The following NR1H4 variants were observed in gnomAD, a reference collection of about 807,000 sequenced individuals.
NR1H4 encodes the protein bile acid receptor.
A neutral mutation model predicts 58.5 loss-of-function variants in NR1H4; 23 were observed. The observed-to-expected ratio is 0.39, with a 90% CI of 0.28 to 0.56. The LOEUF (loss-of-function observed/expected upper bound fraction) is 0.56. Ranked by LOEUF, NR1H4 falls within the 20% of genes least tolerant of loss-of-function variation. NR1H4 has a pLI of 0.58. For missense variants in NR1H4, 487 were observed against 576.9 expected (o/e 0.84, Z 1.60); for synonymous variants, 214 against 198.0 (o/e 1.08, Z -0.68).
intron 3 of NR1H4, among the ~76,000 whole-genome samples, chr12:100,500,315 T>G (rs950126091): frequency 6.6e-6 from 1 of 152,162 alleles, no homozygotes; most frequent in Non-Finnish European, 1.5e-5. Flanking sequence ...GGACCTCCCT[T>G]TTTTCATGCC....
At chr12:100,561,808 A>G in intron 9 of NR1H4, 77 bp from the exon 10 acceptor site, 2 of 741,448 alleles carry the variant, frequency 2.7e-6, no homozygotes, top group Non-Finnish European at 5.0e-6. Flanking sequence ...CCATGTGTTT[A>G]TATGTATAAT....
chr12:100,490,797 T>C (rs1293315918), intron 1 of NR1H4, among the ~76,000 whole-genome samples: 6 of 152,054 alleles, frequency 3.9e-5, no homozygotes, highest in Non-Finnish European at 7.4e-5. Flanking sequence ...TAACAACAAC[T>C]CAACATTTTT....
At chr12:100,553,264 C>T (rs552077599) in intron 9 of NR1H4, among the ~76,000 whole-genome samples, 84 of 152,258 alleles carry the variant, frequency 5.5e-4, no homozygotes, top group African/African-American at 2.0e-3. Context: ...TCCCAAAGTG[C>T]TGGGATTACA....
chr12:100,544,538 T>C (rs1593119863), intron 9 of NR1H4, among the ~76,000 whole-genome samples: 2 of 152,122 alleles, frequency 1.3e-5, no homozygotes, highest in Middle Eastern at 3.2e-3. Context: ...GAAATCATGT[T>C]TAACTTTAAT....
intron 2 of NR1H4, among the ~76,000 whole-genome samples, chr12:100,492,917 T>C (rs1426987858): frequency 6.6e-6 from 1 of 152,198 alleles, no homozygotes; most frequent in Non-Finnish European, 1.5e-5. Flanking sequence ...ATTCATCTCA[T>C]TTTAAATCAA....
intron 4 of NR1H4, among the ~76,000 whole-genome samples, chr12:100,526,909 T>C (rs980367500): frequency 3.3e-5 from 5 of 152,204 alleles, no homozygotes; most frequent in South Asian, 2.1e-4. Context: ...GTGAGAGTTA[T>C]CTTTATTTAG....
At chr12:100,545,061 A>G (rs1051337390) in intron 9 of NR1H4, among the ~76,000 whole-genome samples, 2 of 151,876 alleles carry the variant, frequency 1.3e-5, no homozygotes, top group Admixed American at 6.6e-5. Flanking sequence ...TCTGCAGGAG[A>G]ATTATCTGGT....
At chr12:100,498,622 A>C (rs570795847) in intron 3 of NR1H4, among the ~76,000 whole-genome samples, 14 of 152,172 alleles carry the variant, frequency 9.2e-5, no homozygotes, top group East Asian at 3.9e-4. Context: ...CAAAAAAAAA[A>C]CCAAACAAAC....
At chr12:100,533,018 G>A (rs1186851182) in intron 5 of NR1H4, among the ~76,000 whole-genome samples, 1 of 152,174 alleles carries the variant, frequency 6.6e-6, no homozygotes, top group Non-Finnish European at 1.5e-5. Context: ...AGGTATAACT[G>A]CCTCTGAATT....
At chr12:100,480,856 A>G (rs1467364390) in intron 1 of NR1H4, among the ~76,000 whole-genome samples, 1 of 152,202 alleles carries the variant, frequency 6.6e-6, no homozygotes, top group Non-Finnish European at 1.5e-5. Context: ...CTGGAATGAA[A>G]GGACTGAGAT....
At chr12:100,478,172 C>A (rs1049899278) in intron 1 of NR1H4, among the ~76,000 whole-genome samples, 3 of 151,330 alleles carry the variant, frequency 2.0e-5, no homozygotes, top group African/African-American at 4.9e-5. Flanking sequence ...GTAAAGGAGG[C>A]TGTGCATGTG....
intron 9 of NR1H4, among the ~76,000 whole-genome samples, chr12:100,547,436 AAG>A (rs1955096665): frequency 1.3e-5 from 2 of 152,088 alleles, no homozygotes; most frequent in Non-Finnish European, 2.9e-5. Context: ...AAAGGGGAAA[AAG>A]AGTGGCACAC....
chr12:100,474,441 G>T (rs565407004), intron 1 of NR1H4, among the ~76,000 whole-genome samples: 5 of 152,296 alleles, frequency 3.3e-5, no homozygotes, highest in Admixed American at 6.5e-5. Context: ...GTGAGTTTGG[G>T]AGTATTGCTA....
In NR1H4 at chr12:100,563,447, C is replaced by G. The variant is rs756693056; in HGVS notation, c.1389C>G (p.His463Gln). 1 of 1,614,176 alleles carries G rather than the reference C, an allele frequency of 6.2e-7. No individual in the cohort carries two copies. Among genetic ancestry groups the G allele is most frequent in the Non-Finnish European group, 8.5e-7 (1 of 1,180,024 alleles). ...TGATGTCATGGAGAGTAAACGACCA[C>G]AAGTTTACCCCACTTCTCTGTGAAA... The part of the protein sequence containing the change: ...EMLMSWRVND[H>Q]KFTPLLCEIW... The change falls in exon 11 of 11, where the codon CAC (histidine) becomes CAG (glutamine). Residue 463 changes from histidine to glutamine, a missense_variant. By Grantham distance (24) the His-to-Gln change is conservative. Transcript: ENST00000392986.
At chr12:100,509,353 T>C (rs758244179) in intron 3 of NR1H4, among the ~76,000 whole-genome samples, 23 of 152,242 alleles carry the variant, frequency 1.5e-4, no homozygotes, top group Admixed American at 7.2e-4. Context: ...TAAAGAGCCA[T>C]AGTTGATGTT....
In NR1H4 at chr12:100,563,491, G is replaced by T. The variant is rs1295026507; in HGVS notation, c.*2G>T. ...TGTGAAATCTGGGACGTGCAGTGAT[G>T]GGGATTACAGGGGAGGGGTCTAGCT... On this transcript the variant is annotated 3_prime_UTR_variant, in exon 11 of 11. Coordinates refer to ENST00000392986, the MANE Select transcript of NR1H4 (RefSeq NM_001206979.2). 3 of 1,603,256 alleles carry T rather than the reference G, an allele frequency of 1.9e-6. No individual in the cohort carries two copies. The highest frequency in any genetic ancestry group is 2.6e-6 in the Non-Finnish European group (3 of 1,170,100).
chr12:100,535,704 G>A (rs1304942731), intron 6 of NR1H4, among the ~76,000 whole-genome samples: 9 of 152,228 alleles, frequency 5.9e-5, no homozygotes, highest in Admixed American at 2.6e-4. Context: ...ACGTATTTTT[G>A]TATTTATTTA....
At chr12:100,517,248 T>A (rs1300893625) in intron 4 of NR1H4, among the ~76,000 whole-genome samples, 1 of 152,164 alleles carries the variant, frequency 6.6e-6, no homozygotes, top group East Asian at 1.9e-4. Flanking sequence ...GAGAACAACG[T>A]TTTAGATTCT....
chr12:100,478,939 A>G (rs1291178717), intron 1 of NR1H4, among the ~76,000 whole-genome samples: 2 of 152,204 alleles, frequency 1.3e-5, no homozygotes, highest in Admixed American at 1.3e-4. Context: ...TCATAGGTGA[A>G]AATGGTATTT....
Sources: gnomAD v4.1 joint callset for allele counts (sites outside exome capture counted in the v4.1 genomes callset) on GRCh38, gnomAD v4.1.1 for gene constraint, MANE v1.5 for transcripts, NCBI Gene and HGNC (gene_info 2026-07-23, HGNC 2026-07-21) for gene names.